Variants in IPO11 observed in about 807,000 individuals in gnomAD.
The protein encoded by IPO11 is importin-11.
IPO11 carries 66 observed loss-of-function variants against 143.2 expected under a neutral mutation model. That is an observed-to-expected ratio of 0.46 (90% CI 0.38 to 0.57). The LOEUF (loss-of-function observed/expected upper bound fraction) is 0.57, where lower values mean the gene tolerates loss of function less well. Among genes scored for constraint, IPO11 ranks in the 20% least tolerant of loss-of-function variants. IPO11 has a pLI of 0.00. For synonymous variants in IPO11, 385 were observed against 377.8 expected, an observed-to-expected ratio of 1.02 and a Z score of -0.22; for missense variants, 1,026 against 1,141.0, an observed-to-expected ratio of 0.90 and a Z score of 1.45.
At chr5:62,434,538 G>A (rs1242649155) in intron 1 of IPO11, among the ~76,000 whole-genome samples, 1 of 152,034 alleles carries the variant, frequency 6.6e-6, no homozygotes, top group Non-Finnish European at 1.5e-5. Flanking sequence ...GGGCTCAGGC[G>A]ATCTGTCTGC....
intron 1 of IPO11, among the ~76,000 whole-genome samples, chr5:62,427,830 G>A (rs1196920427): frequency 6.6e-6 from 1 of 152,210 alleles, no homozygotes; most frequent in African/African-American, 2.4e-5. Context: ...GGGGGCTGGT[G>A]TCATAGGGAA....
intron 26 of IPO11, among the ~76,000 whole-genome samples, chr5:62,552,102 C>A (rs766566864): frequency 2.0e-5 from 3 of 151,122 alleles, no homozygotes; most frequent in African/African-American, 2.4e-5. Context: ...CCAGCCTGGG[C>A]GACAGAGAGA....
chr5:62,444,156 C>A (rs992756566), intron 3 of IPO11, among the ~76,000 whole-genome samples: 4 of 149,426 alleles, frequency 2.7e-5, no homozygotes, highest in African/African-American at 9.9e-5. Context: ...AGTGCAATGG[C>A]ATGATCTCGG....
intron 16 of IPO11, among the ~76,000 whole-genome samples, chr5:62,496,160 C>G: frequency 6.6e-6 from 1 of 151,924 alleles, no homozygotes; most frequent in East Asian, 1.9e-4. Flanking sequence ...TGGTGGCATG[C>G]GCCTGTAGTC....
intron 16 of IPO11, among the ~76,000 whole-genome samples, chr5:62,494,447 T>G (rs1038891783): frequency 5.9e-5 from 9 of 152,202 alleles, no homozygotes; most frequent in Non-Finnish European, 1.3e-4. Flanking sequence ...GGCATTGAAA[T>G]AGCATCATAA....
chr5:62,493,098 A>G (rs1003184473), intron 15 of IPO11, among the ~76,000 whole-genome samples: 1 of 152,170 alleles, frequency 6.6e-6, no homozygotes, highest in Non-Finnish European at 1.5e-5. Flanking sequence ...AAATGTATAT[A>G]TGTGCTACTG....
chr5:62,538,728 A>G (rs986423404), intron 24 of IPO11, among the ~76,000 whole-genome samples: 2 of 152,186 alleles, frequency 1.3e-5, no homozygotes, highest in African/African-American at 2.4e-5. Flanking sequence ...AACCAGTAAG[A>G]TACCATCTAG....
chr5:62,553,782 T>C (rs1743475929), intron 26 of IPO11, among the ~76,000 whole-genome samples: 1 of 152,132 alleles, frequency 6.6e-6, no homozygotes, highest in Non-Finnish European at 1.5e-5. Context: ...AGACAGAGTC[T>C]CACTCTGTCA....
intron 28 of IPO11, among the ~76,000 whole-genome samples, chr5:62,600,848 A>T (rs1231361539): frequency 6.6e-6 from 1 of 152,154 alleles, no homozygotes; most frequent in Non-Finnish European, 1.5e-5. Flanking sequence ...GTCACTCCAA[A>T]CATTGCTTTT....
At chr5:62,480,927 TTTTTTG>T (rs1746177892) in intron 9 of IPO11, among the ~76,000 whole-genome samples, 1 of 115,104 alleles carries the variant, frequency 8.7e-6, no homozygotes. Flanking sequence ...TTTTTTTTTT[TTTTTTG>T]GAGACAGAGT....
intron 29 of IPO11, among the ~76,000 whole-genome samples, chr5:62,615,267 A>G (rs1580391338): frequency 1.3e-5 from 2 of 152,032 alleles, no homozygotes; most frequent in South Asian, 2.1e-4. Flanking sequence ...TGTCAGAACA[A>G]CCCCCTCCAA....
In IPO11 at chr5:62,531,552, A is replaced by G. The variant is rs561997296; in HGVS notation, c.2089+767A>G. 3.9e-5 allele frequency among the ~76,000 whole-genome samples: 6 copies of G among 151,966 alleles called. No homozygotes were observed. In the South Asian group the frequency reaches 1.2e-3, roughly 32 times the overall value. On this transcript the variant is annotated intron_variant, in intron 22 of 29. Transcript: ENST00000325324. The stretch of plus-strand genomic sequence containing the variant: ...ACCGTGCTGGCCAGGCTGGTCTCGA[A>G]CTCCTGACCTCGTGATCTGCCTGCC...
At chr5:62,433,203 G>A (rs1285840223) in intron 1 of IPO11, among the ~76,000 whole-genome samples, 2 of 148,660 alleles carry the variant, frequency 1.3e-5, no homozygotes, top group Admixed American at 1.3e-4. Flanking sequence ...TAGTAGACTT[G>A]CTGGGGTTAT....
At chr5:62,580,971 G>A in intron 27 of IPO11, 1 of 1,551,086 alleles carries the variant, frequency 6.4e-7, no homozygotes, top group Non-Finnish European at 8.7e-7. Flanking sequence ...CAATGTCAGG[G>A]AAAACATCTC....
At chr5:62,578,752 A>G in intron 27 of IPO11, 1 of 467,006 alleles carries the variant, frequency 2.1e-6, no homozygotes, top group Non-Finnish European at 4.4e-6. Context: ...CTGTAAAGGA[A>G]CCAATGTGAA....
intron 21 of IPO11, among the ~76,000 whole-genome samples, chr5:62,528,121 A>T (rs1246800847): frequency 2.0e-5 from 3 of 152,196 alleles, no homozygotes; most frequent in Admixed American, 1.3e-4. Context: ...GCAGAATTCT[A>T]ATGAACTTGT....
rs1010950521 is a variant in IPO11 at position 62,591,681 on chromosome 5, A to G, written c.2678+9A>G. 12 of 1,547,308 alleles carry G rather than the reference A, an allele frequency of 7.8e-6. No individual in the cohort carries two copies. Among genetic ancestry groups the G allele is most frequent in the African/African-American group, 1.4e-5 (1 of 72,452 alleles). The stretch of plus-strand genomic sequence containing the variant: ...ACAGGAACTTATAAAGAGTAGGTGC[A>G]TTATTTAATTAATCATAATTGGACT... On this transcript the variant is annotated intron_variant, in intron 28 of 29. Transcript: ENST00000325324.
chr5:62,451,963 T>C, intron 5 of IPO11, 30 bp downstream of exon 5: 1 of 1,582,554 alleles, frequency 6.3e-7, no homozygotes, highest in Non-Finnish European at 8.7e-7. Flanking sequence ...TAAATTTGAT[T>C]ATGAAAATTG....
chr5:62,462,097 T>C lies in IPO11; in HGVS notation c.517-5034T>C, dbSNP rs114470228. On this transcript the variant is annotated intron_variant, in intron 5 of 29. Transcript: ENST00000325324. ...CTTTGCCATTAATATCTATAAATCT[T>C]ACTTATTTTTGTGAGAAGTAGAGAT... Among the ~76,000 whole-genome samples, 876 of 152,106 alleles carry C rather than the reference T, an allele frequency of 5.8e-3. 2 individuals are homozygous for C. The highest frequency in any genetic ancestry group is 8.9e-3 in the Non-Finnish European group (603 of 68,018).
Sources: gnomAD v4.1 joint callset for allele counts (sites outside exome capture counted in the v4.1 genomes callset) on GRCh38, gnomAD v4.1.1 for gene constraint, MANE v1.5 for transcripts, NCBI Gene and HGNC (gene_info 2026-07-23, HGNC 2026-07-21) for gene names.